The following BRCA1 variants were observed in gnomAD, a reference collection of about 807,000 sequenced individuals.
BRCA1 encodes the protein breast cancer type 1 susceptibility protein.
Under a neutral mutation model 173.7 loss-of-function variants are expected in BRCA1, and 140 were observed. The ratio of observed to expected loss-of-function variants is 0.81; its 90% confidence interval spans 0.70 to 0.93. The LOEUF (loss-of-function observed/expected upper bound fraction) is 0.93, where lower values mean the gene tolerates loss of function less well. Ranked by LOEUF, BRCA1 falls within the 40% of genes least tolerant of loss-of-function variation. The pLI is 0.00. For synonymous variants in BRCA1, 662 were observed against 756.0 expected, an observed-to-expected ratio of 0.88 and a Z score of 2.04; for missense variants, 1,983 against 2,172.5, an observed-to-expected ratio of 0.91 and a Z score of 1.73.
rs4793195 is a variant in BRCA1, at chr17:43,066,555, T to C, written c.5074+1053A>G. Among the ~76,000 whole-genome samples the C allele has an allele frequency of 0.3, 45,584 of 151,770 alleles. 7,400 individuals are homozygous for C. The highest frequency in any genetic ancestry group is 0.49 in the South Asian group (2,371 of 4,802). The stretch of plus-strand genomic sequence containing the variant: ...CCTCCCAAGTAGCTGGGATTACAGG[T>C]GCACACCACCACGCCCAGCCAATTT... On this transcript the variant is annotated intron_variant, in intron 16 of 22. Transcript: ENST00000357654.
At chr17:43,123,953 C>T (rs1261539033) in intron 2 of BRCA1, 64 bp downstream of exon 2, 2 of 1,285,084 alleles carry the variant, frequency 1.6e-6, no homozygotes, top group South Asian at 2.4e-5. Context: ...AAGGTCAATT[C>T]TGTTCATTTG....
rs2671874 is a variant in BRCA1 at position 43,113,938 on chromosome 17, G to A, written c.134+1788C>T. On this transcript the variant is annotated intron_variant, in intron 3 of 22. Coordinates refer to ENST00000357654, the MANE Select transcript of BRCA1 (RefSeq NM_007294.4). Reference sequence around the variant, plus strand: ...AAAAATACAAAAATTAGCTGGGTGTGGTGGCAGATGCCTGTAATCCCAGCT... The same window carrying A: ...AAAAATACAAAAATTAGCTGGGTGTAGTGGCAGATGCCTGTAATCCCAGCT... Among the ~76,000 whole-genome samples the A allele has an allele frequency of 0.13, 20,242 of 152,060 alleles. 4,252 individuals carry two copies. The highest frequency in any genetic ancestry group is 0.45 in the African/African-American group (18,525 of 41,398).
At chr17:43,160,554 T>C (rs2056229814) in intron 1 of BRCA1, 1 of 152,170 alleles carries the variant, frequency 6.6e-6, no homozygotes, top group East Asian at 1.9e-4. Context: ...AATCTATAGA[T>C]AACATAACCG....
chr17:43,152,876 T>A (rs962799895), intron 1 of BRCA1, among the ~76,000 whole-genome samples: 27 of 147,484 alleles, frequency 1.8e-4, no homozygotes, highest in African/African-American at 6.2e-4. Flanking sequence ...AATAAAAAAA[T>A]AAAAAAAAAT....
At chr17:43,124,393 G>C (rs2055768020) in intron 1 of BRCA1, among the ~76,000 whole-genome samples, 1 of 152,146 alleles carries the variant, frequency 6.6e-6, no homozygotes, top group Admixed American at 6.5e-5. Flanking sequence ...AGGAGTGACT[G>C]ACCGGGTAGG....
rs8176178 is a variant in BRCA1 at position 43,084,625 on chromosome 17, T to C, written c.4186-2050A>G. On this transcript the variant is annotated intron_variant, in intron 11 of 22. Coordinates refer to ENST00000357654, the MANE Select transcript of BRCA1 (RefSeq NM_007294.4). The stretch of plus-strand genomic sequence containing the variant: ...CTTTACTAAAAACAAGCCATCTTCT[T>C]TCTCCTGCTACACTGAGTTCACAAT... Among the ~76,000 whole-genome samples, 906 of 152,328 alleles carry C rather than the reference T, an allele frequency of 5.9e-3. 14 individuals carry two copies. Among genetic ancestry groups the C allele is most frequent in the African/African-American group, 0.021 (863 of 41,570 alleles).
intron 18 of BRCA1, among the ~76,000 whole-genome samples, chr17:43,057,371 C>T (rs776167818): frequency 1.3e-5 from 2 of 151,970 alleles, no homozygotes; most frequent in East Asian, 3.9e-4. Context: ...ATTAGTTGGG[C>T]GTGGTGGCAG....
intron 1 of BRCA1, among the ~76,000 whole-genome samples, chr17:43,169,507 C>T (rs1338766412): frequency 1.3e-5 from 2 of 152,172 alleles, no homozygotes; most frequent in African/African-American, 4.8e-5. Context: ...CCCTTCAAGG[C>T]ACATTCCAGT....
rs1567807854 is a variant in BRCA1, at chr17:43,100,688, T to TATATATATA, written c.442-817_442-809dup. Among the ~76,000 whole-genome samples the TATATATATA allele has an allele frequency of 1.8e-3, 176 of 98,800 alleles. 14 individuals are homozygous for TATATATATA. The highest frequency in any genetic ancestry group is 7.4e-3 in the African/African-American group (163 of 22,118). The allele number at this position is 98,800 out of a possible 152,430, so 64.8% of individuals were successfully genotyped here. On this transcript the variant is annotated intron_variant, in intron 6 of 22. Transcript: ENST00000357654. ...TATATATATATATATAATATATATA[T>TATATATATA]ATATATATATATATGTAATCCCAGC... is the stretch of plus-strand genomic sequence containing the variant.
intron 3 of BRCA1, among the ~76,000 whole-genome samples, chr17:43,113,244 T>C (rs972953460): frequency 1.3e-5 from 2 of 152,224 alleles, no homozygotes; most frequent in African/African-American, 4.8e-5. Context: ...TCCAATCCCT[T>C]CTGCCTCCTC....
chr17:43,127,934 G>A (rs2154581265), upstream of BRCA1, among the ~76,000 whole-genome samples: 1 of 146,270 alleles, frequency 6.8e-6, no homozygotes, highest in Admixed American at 7.0e-5. Flanking sequence ...TGAGGCAGGA[G>A]AATGGCGTGA....
chr17:43,058,728 A>G (rs2051619127), intron 18 of BRCA1, among the ~76,000 whole-genome samples: 1 of 152,248 alleles, frequency 6.6e-6, no homozygotes, highest in African/African-American at 2.4e-5. Flanking sequence ...AAGGAAATAA[A>G]GGCTTTTCAG....
chr17:43,071,139 T>C lies in BRCA1; in HGVS notation c.4775A>G (p.Asn1592Ser), dbSNP rs786203699. The change falls in exon 15 of 23, where the codon AAC becomes AGC. Residue 1592 changes from asparagine (N) to serine (S), a missense_variant. Coordinates refer to ENST00000357654, the MANE Select transcript of BRCA1 (RefSeq NM_007294.4). ...DRAPESARVG[N>S]IPSSTSALKV... ...CAATGCAGAGGTTGAAGATGGTATG[T>C]TGCCAACACGAGCTGACTCTGGGGC... The C allele has an allele frequency of 1.2e-6, 2 of 1,614,216 alleles. No homozygotes were observed. The highest frequency in any genetic ancestry group is 1.7e-6 in the Non-Finnish European group (2 of 1,180,034).
intron 11 of BRCA1, 98 bp downstream of exon 11, chr17:43,090,844 CAA>C (rs1252631103): frequency 2.6e-6 from 3 of 1,135,654 alleles, no homozygotes; most frequent in Non-Finnish European, 3.9e-6. Flanking sequence ...GCCATTAATT[CAA>C]AGAGATGATG....
intron 7 of BRCA1, among the ~76,000 whole-genome samples, chr17:43,099,384 C>T (rs564269997): frequency 6.6e-6 from 1 of 152,022 alleles, no homozygotes; most frequent in South Asian, 2.1e-4. Flanking sequence ...GATTCTCCTG[C>T]CTCAGCCTCC....
In BRCA1 at chr17:43,067,836, A is replaced by AAT. The variant is rs774476213; in HGVS notation, c.4987-142_4987-141insAT. On this transcript the variant is annotated intron_variant, in intron 15 of 22. Coordinates refer to ENST00000357654, the MANE Select transcript of BRCA1 (RefSeq NM_007294.4). ...CGTGTCCTGGAACTATTTAAAGTGA[A>AAT]TTTTTTTTTTTTTTTTTTTAGACAG... 1.8e-3 allele frequency: 397 copies of AAT among 215,600 alleles called. 3 individuals are homozygous for AAT. Among genetic ancestry groups the AAT allele is most frequent in the African/African-American group, 0.016 (368 of 23,448 alleles). The allele number at this position is 215,600 out of a possible 1,614,324, so 13.4% of individuals were successfully genotyped here.
chr17:43,100,678 A>ATAAT (rs1491277616), intron 6 of BRCA1, among the ~76,000 whole-genome samples: 1 of 36,280 alleles, frequency 2.8e-5, no homozygotes, highest in Non-Finnish European at 4.5e-5. Context: ...ATATATATAT[A>ATAAT]ATATATATAT....
intron 6 of BRCA1, among the ~76,000 whole-genome samples, chr17:43,103,650 A>T (rs1034004802): frequency 6.6e-5 from 10 of 151,984 alleles, no homozygotes; most frequent in Non-Finnish European, 1.2e-4. Flanking sequence ...TATATCAGGT[A>T]CCCTGACCTT....
chr17:43,050,444 T>TA (rs996635040), intron 20 of BRCA1, among the ~76,000 whole-genome samples: 27 of 147,282 alleles, frequency 1.8e-4, no homozygotes, highest in Non-Finnish European at 2.7e-4. Flanking sequence ...CCGTCTCTAC[T>TA]AAAAAAAAAA....
Sources: allele counts gnomAD v4.1 joint callset (sites outside exome capture counted in the v4.1 genomes callset), GRCh38; gene constraint gnomAD v4.1.1; transcripts MANE v1.5; gene names NCBI Gene and HGNC (gene_info 2026-07-23, HGNC 2026-07-21).